Variants in NAT1 observed in about 807,000 individuals in gnomAD.
The protein encoded by NAT1 is N-acetyltransferase 1, also known as arylamine N-acetyltransferase 1.
For missense variants in NAT1, 400 were observed against 339.2 expected, an observed-to-expected ratio of 1.18 and a Z score of -1.41; for synonymous variants, 144 against 122.6, an observed-to-expected ratio of 1.17 and a Z score of -1.16.
At chr8:18,202,450 G>C (rs1803506004) in intron 2 of NAT1, among the ~76,000 whole-genome samples, 1 of 152,306 alleles carries the variant, frequency 6.6e-6, no homozygotes, top group African/African-American at 2.4e-5. Context: ...GTAGGTTCTT[G>C]GTCTCACTGA....
At chr8:18,178,424 G>C (rs548979792) in intron 2 of NAT1, among the ~76,000 whole-genome samples, 85 of 152,218 alleles carry the variant, frequency 5.6e-4, no homozygotes, top group Middle Eastern at 3.4e-3. Context: ...TTTCTGGGCT[G>C]AGTTAGAATC....
intron 2 of NAT1, among the ~76,000 whole-genome samples, chr8:18,182,070 G>A (rs895162145): frequency 3.3e-5 from 5 of 152,172 alleles, no homozygotes; most frequent in Admixed American, 2.0e-4. Context: ...TGGCATTGAG[G>A]AGAGGTGGTT....
chr8:18,198,327 C>T (rs772062512), intron 2 of NAT1, among the ~76,000 whole-genome samples: 13 of 152,174 alleles, frequency 8.5e-5, no homozygotes, highest in Non-Finnish European at 1.8e-4. Flanking sequence ...TTCCAATTAC[C>T]TACACTTGTC....
chr8:18,213,443 T>C (rs1255916810), intron 1 of NAT1, among the ~76,000 whole-genome samples: 2 of 152,158 alleles, frequency 1.3e-5, no homozygotes, highest in East Asian at 1.9e-4. Context: ...GTGACTCCTG[T>C]GGTTTCATTT....
chr8:18,173,887 T>C (rs998165565), intron 2 of NAT1, among the ~76,000 whole-genome samples: 1 of 152,140 alleles, frequency 6.6e-6, no homozygotes, highest in African/African-American at 2.4e-5. Context: ...CCCCATATTA[T>C]AGTTATAGTT....
At chr8:18,179,465 C>T (rs780619904) in intron 2 of NAT1, among the ~76,000 whole-genome samples, 2 of 152,136 alleles carry the variant, frequency 1.3e-5, no homozygotes, top group African/African-American at 4.8e-5. Context: ...TGGCATGCAT[C>T]ACCTTCACTT....
intron 1 of NAT1, among the ~76,000 whole-genome samples, chr8:18,217,180 G>A (rs1463556982): frequency 6.6e-6 from 1 of 152,190 alleles, no homozygotes; most frequent in Non-Finnish European, 1.5e-5. Context: ...CATATGGAGG[G>A]TGAGCCACAA....
chr8:18,175,115 A>G (rs1802242200), intron 2 of NAT1, among the ~76,000 whole-genome samples: 1 of 152,072 alleles, frequency 6.6e-6, no homozygotes, highest in South Asian at 2.1e-4. Context: ...GTCCACATTT[A>G]TGGGGTACAG....
chr8:18,218,400 C>T (rs868264270), intron 1 of NAT1, among the ~76,000 whole-genome samples: 1 of 152,150 alleles, frequency 6.6e-6, no homozygotes, highest in Middle Eastern at 3.2e-3. Flanking sequence ...GAGCATGTCA[C>T]ACACAATTAG....
intron 2 of NAT1, among the ~76,000 whole-genome samples, chr8:18,174,017 C>T (rs1298886588): frequency 2.6e-5 from 4 of 152,028 alleles, no homozygotes; most frequent in Admixed American, 2.0e-4. Flanking sequence ...AGAGACAGAG[C>T]TTGTTGATGT....
chr8:18,187,936 AACACACACACACACACACACAC>A (rs35203470), intron 2 of NAT1, among the ~76,000 whole-genome samples: 1 of 137,390 alleles, frequency 7.3e-6, no homozygotes. Flanking sequence ...TTGTATCTTA[AACACACACACACACACACACAC>A]ACACACACAC....
intron 2 of NAT1, among the ~76,000 whole-genome samples, chr8:18,220,056 G>T (rs115582279): frequency 6.6e-6 from 1 of 152,094 alleles, no homozygotes; most frequent in Non-Finnish European, 1.5e-5. Context: ...CTTTTAGATC[G>T]GCTTCTCTCT....
At chr8:18,200,851 C>T (rs960062877) in intron 2 of NAT1, 2 of 151,902 alleles carry the variant, frequency 1.3e-5, no homozygotes, top group East Asian at 3.9e-4. Flanking sequence ...ACACTCAGGA[C>T]CTTGATATTG....
intron 1 of NAT1, among the ~76,000 whole-genome samples, chr8:18,213,253 AT>A (rs949007037): frequency 1.1e-4 from 16 of 150,474 alleles, no homozygotes; most frequent in South Asian, 2.1e-4. Context: ...TTGTATATAA[AT>A]TTTTTTTTCA....
rs1042719265 is a variant in NAT1 at position 18,204,676 on chromosome 8, A to T, written n.93-5105A>T. ...TATAGACAGTTCAAAATTACTTCCCATGTTTTTCACTGGAAATTAGTATTT... is the reference window on the plus strand; with the variant it reads ...TATAGACAGTTCAAAATTACTTCCCTTGTTTTTCACTGGAAATTAGTATTT... On this transcript the variant is annotated intron_variant and non_coding_transcript_variant, in intron 2 of 4. Transcript: ENST00000517441. Among the ~76,000 whole-genome samples the T allele has an allele frequency of 3.9e-5, 6 of 152,300 alleles. No homozygotes were observed. In the East Asian group the frequency reaches 1.2e-3, roughly 29 times the overall value.
At chr8:18,195,985 T>G (rs1160347281) in intron 2 of NAT1, among the ~76,000 whole-genome samples, 1 of 152,178 alleles carries the variant, frequency 6.6e-6, no homozygotes, top group Admixed American at 6.5e-5. Flanking sequence ...GATGCACTTT[T>G]ATGGGGTACA....
intron 1 of NAT1, among the ~76,000 whole-genome samples, chr8:18,211,812 G>GGAAAAGAAAA (rs10539622): frequency 4.6e-4 from 69 of 150,432 alleles, no homozygotes; most frequent in Middle Eastern, 3.4e-3. Context: ...AGAAGGAATA[G>GGAAAAGAAAA]GAAAAGAAAA....
chr8:18,184,897 A>G (rs779334523), intron 2 of NAT1, among the ~76,000 whole-genome samples: 5 of 152,214 alleles, frequency 3.3e-5, no homozygotes, highest in African/African-American at 4.8e-5. Flanking sequence ...GCAAAATTCT[A>G]TGACATTTTA....
At chr8:18,170,680 TTGACCCAGTCGACAGGA>T (rs1038055437) in exon 2 of NAT1, 1 of 152,176 alleles carries the variant, frequency 6.6e-6, no homozygotes, top group African/African-American at 2.4e-5. Flanking sequence ...CTTTAACAGA[TTGACCCAGTCGACAGGA>T]TCTGAACTTC....
Sources: gnomAD v4.1 joint callset for allele counts (sites outside exome capture counted in the v4.1 genomes callset) on GRCh38, gnomAD v4.1.1 for gene constraint, MANE v1.5 for transcripts, NCBI Gene and HGNC (gene_info 2026-07-23, HGNC 2026-07-21) for gene names.